LSS: variants seen among roughly 807,000 people sequenced by gnomAD.
LSS encodes the protein 2,3-epoxysqualene-lanosterol cyclase.
LSS carries 90 observed loss-of-function variants against 110.3 expected under a neutral mutation model. The observed-to-expected ratio is 0.82, with a 90% confidence interval of 0.69 to 0.97. LSS has a LOEUF of 0.97. Among genes scored for constraint, LSS ranks in the 50% least tolerant of loss-of-function variants. The pLI is 0.00. For missense variants in LSS, 927 were observed against 990.0 expected, an observed-to-expected ratio of 0.94 and a Z score of 0.85; for synonymous variants, 433 against 400.0, an observed-to-expected ratio of 1.08 and a Z score of -0.98.
chr21:46,215,180 C>T lies in LSS; in HGVS notation c.1011G>A (p.Pro337=), dbSNP rs759946114. ...TCAGAGGCCGGGCAGGGGCACTGAC[C>T]GGGCCGATGCTGATGCTCTTGGTGA... ...DRFTKSISIG[P]ISKTINMLVR... The change falls in exon 9 of 22, where the codon CCG becomes CCA. Residue 337 remains proline (P), a splice_region_variant and synonymous_variant. Transcript: ENST00000397728. The T allele has an allele frequency of 9.9e-6, 16 of 1,608,574 alleles. No individual in the cohort carries two copies. Among genetic ancestry groups the T allele is most frequent in the Admixed American group, 8.3e-5 (5 of 59,988 alleles).
chr21:46,198,269 A>T (rs2079934775), intron 17 of LSS, among the ~76,000 whole-genome samples: 1 of 18,052 alleles, frequency 5.5e-5, no homozygotes, highest in South Asian at 8.6e-4. Flanking sequence ...GCGTCCCTTA[A>T]AAAAAAAAAA....
intron 8 of LSS, 74 bp from the exon 9 acceptor site, chr21:46,215,372 C>A (rs559432672): frequency 1.9e-6 from 2 of 1,050,908 alleles, no homozygotes; most frequent in Admixed American, 2.0e-5. Context: ...TGCACTGCAA[C>A]GCCTGGACTT....
Position 46,212,999 on chromosome 21 carries a change from T to A in LSS, c.1137+26A>T, listed in dbSNP as rs931661159. 4 of 1,613,892 alleles carry A rather than the reference T, an allele frequency of 2.5e-6. No individual in the cohort carries two copies. The Admixed American group carries it at 6.7e-5, about 27-fold the overall frequency. Reference sequence around the variant, plus strand: ...GGGAGACATGATTGCAAAGGAAGCATGCAGCCGCAGTCCCGCAGCCCTTAC... The same window carrying A: ...GGGAGACATGATTGCAAAGGAAGCAAGCAGCCGCAGTCCCGCAGCCCTTAC... On this transcript the variant is annotated intron_variant, in intron 11 of 21. Coordinates refer to ENST00000397728, the MANE Select transcript of LSS (RefSeq NM_002340.6).
Position 46,188,910 on chromosome 21 carries a change from C to T in LSS, c.*2194G>A. On this transcript the variant is annotated 3_prime_UTR_variant, in exon 22 of 22. Coordinates refer to ENST00000397728, the MANE Select transcript of LSS (RefSeq NM_002340.6). ...TTATCTTCCTGGATATGCTTATGGC[C>T]TTTAAAACATATTAAAATAGGCTAT... 5.1e-6 allele frequency: 2 copies of T among 391,776 alleles called. No homozygotes were observed. The highest frequency in any genetic ancestry group is 1.0e-5 in the Non-Finnish European group (2 of 191,060). 24.3% of individuals were successfully genotyped at this position (391,776 alleles called of 1,614,324 possible). A position where few individuals can be genotyped will look rare whatever the true frequency, so the allele number is the denominator to read the frequency against.
At chr21:46,196,349 A>G in intron 17 of LSS, 82 bp from the exon 18 acceptor site, 1 of 1,102,010 alleles carries the variant, frequency 9.1e-7, no homozygotes, top group Non-Finnish European at 1.4e-6. Context: ...CAGGGTCTCA[A>G]AAGAATGAGA....
intron 8 of LSS, 138 bp downstream of exon 8, chr21:46,215,547 C>T (rs780549516): frequency 4.9e-5 from 32 of 648,600 alleles, no homozygotes; most frequent in Middle Eastern, 4.2e-4. Flanking sequence ...AGGGGCAGGG[C>T]GATGAGATCC....
At chr21:46,221,754 C>T (rs2123758261) in intron 5 of LSS, 100 bp downstream of exon 5, 2 of 1,543,826 alleles carry the variant, frequency 1.3e-6, no homozygotes, top group South Asian at 2.3e-5. Context: ...CTTTTGCCCA[C>T]TGTTTCAGCT....
chr21:46,203,023 C>T (rs911954139), intron 17 of LSS, among the ~76,000 whole-genome samples: 25 of 152,212 alleles, frequency 1.6e-4, no homozygotes, highest in African/African-American at 6.0e-4. Context: ...CATGTGCTTC[C>T]CTGTGGCATC....
chr21:46,198,829 C>CA (rs35148484), intron 17 of LSS, among the ~76,000 whole-genome samples: 22,945 of 73,352 alleles, frequency 0.31, 3,734 homozygotes, highest in East Asian at 0.52. Flanking sequence ...CATCCACATG[C>CA]AAAAAAAAAA....
rs567603837 is a variant in LSS, at chr21:46,196,330, C to T, written c.1671-63G>A. On this transcript the variant is annotated intron_variant, in intron 17 of 21. Coordinates refer to ENST00000397728, the MANE Select transcript of LSS (RefSeq NM_002340.6). ...AACAGCAGTTTACCTATCCCAATTC[C>T]ATCCTTTCCAGGGTCTCAAAAGAAT... is the stretch of plus-strand genomic sequence containing the variant. 358 of 1,324,026 alleles carry T rather than the reference C, an allele frequency of 2.7e-4. 2 individuals are homozygous for T. Among genetic ancestry groups the T allele is most frequent in the Middle Eastern group, 2.5e-3 (14 of 5,576 alleles). 82.0% of individuals were successfully genotyped at this position (1,324,026 alleles called of 1,614,324 possible).
chr21:46,198,039 A>C (rs765567401), intron 17 of LSS, among the ~76,000 whole-genome samples: 1 of 152,186 alleles, frequency 6.6e-6, no homozygotes, highest in African/African-American at 2.4e-5. Context: ...CAAATATATA[A>C]TCATCTCAAA....
chr21:46,215,922 T>C, intron 7 of LSS, 129 bp from the exon 8 acceptor site: 1 of 625,702 alleles, frequency 1.6e-6, no homozygotes, highest in East Asian at 2.8e-5. Flanking sequence ...TGGGGGTCCC[T>C]CCAGCAACTG....
chr21:46,192,183 T>C (rs1201670444), intron 20 of LSS: 7 of 604,190 alleles, frequency 1.2e-5, no homozygotes, highest in Non-Finnish European at 2.1e-5. Flanking sequence ...AATGACAGGC[T>C]GGGGACACAG....
intron 14 of LSS, 133 bp from the exon 15 acceptor site, chr21:46,207,710 G>A: frequency 9.4e-7 from 1 of 1,065,310 alleles, no homozygotes. Flanking sequence ...CCAAAGGTGT[G>A]GGTGCAGCCA....
chr21:46,221,840 T>C lies in LSS; in HGVS notation c.550+14A>G. On this transcript the variant is annotated intron_variant, in intron 5 of 21. Coordinates refer to ENST00000397728, the MANE Select transcript of LSS (RefSeq NM_002340.6). The stretch of plus-strand genomic sequence containing the variant: ...CACGAACCCCTGGCCCAGCACATGC[T>C]GCACATGCCGTACCTTTCTTGTGAA... 10 of 1,613,966 alleles carry C rather than the reference T, an allele frequency of 6.2e-6. No homozygotes were observed. The highest frequency in any genetic ancestry group is 6.8e-6 in the Non-Finnish European group (8 of 1,179,996).
At chr21:46,200,109 A>T (rs893685819) in intron 17 of LSS, among the ~76,000 whole-genome samples, 3 of 152,324 alleles carry the variant, frequency 2.0e-5, no homozygotes, top group African/African-American at 4.8e-5. Context: ...AAGTACATAA[A>T]TTTTTTTAAA....
intron 17 of LSS, among the ~76,000 whole-genome samples, chr21:46,200,314 T>C (rs2079963051): frequency 6.6e-6 from 1 of 152,132 alleles, no homozygotes; most frequent in Admixed American, 6.5e-5. Flanking sequence ...AGAATCATCA[T>C]CAAATGCTAA....
Position 46,188,570 on chromosome 21 carries a change from A to G in LSS, c.*2534T>C. On this transcript the variant is annotated 3_prime_UTR_variant, in exon 22 of 22. Coordinates refer to ENST00000397728, the MANE Select transcript of LSS (RefSeq NM_002340.6). ...CAAGAGCATGTCAGGGTGATGAGTC[A>G]TCTGGGACAGGTCACCCTCCCAGCA... The G allele has an allele frequency of 2.1e-6, 1 of 466,078 alleles. No homozygotes were observed. The highest frequency in any genetic ancestry group is 4.4e-6 in the Non-Finnish European group (1 of 225,372). The allele number at this position is 466,078 out of a possible 1,614,324, so 28.9% of individuals were successfully genotyped here.
chr21:46,207,903 C>G (rs567764439), intron 14 of LSS, among the ~76,000 whole-genome samples: 2 of 152,364 alleles, frequency 1.3e-5, no homozygotes, highest in Admixed American at 6.5e-5. Context: ...ACAGTCTGCA[C>G]CTGTGGTCAC....
Sources: gnomAD v4.1 joint callset for allele counts (sites outside exome capture counted in the v4.1 genomes callset) on GRCh38, gnomAD v4.1.1 for gene constraint, MANE v1.5 for transcripts, NCBI Gene and HGNC (gene_info 2026-07-23, HGNC 2026-07-21) for gene names.